SLC45A3: variants seen among roughly 807,000 people sequenced by gnomAD.
SLC45A3 encodes the protein prostate cancer associated protein 2.
Under a neutral mutation model 35.3 loss-of-function variants are expected in SLC45A3, and 17 were observed. That is an observed-to-expected ratio of 0.48 (90% CI 0.33 to 0.72). The LOEUF (loss-of-function observed/expected upper bound fraction) is 0.72, where lower values mean the gene tolerates loss of function less well. Ranked by LOEUF, SLC45A3 falls within the 30% of genes least tolerant of loss-of-function variation. The pLI, the probability that SLC45A3 is intolerant of heterozygous loss-of-function variation, is 0.02. For missense variants in SLC45A3, 597 were observed against 731.7 expected, an observed-to-expected ratio of 0.82 and a Z score of 2.12; for synonymous variants, 288 against 334.3, an observed-to-expected ratio of 0.86 and a Z score of 1.51.
rs1179899472 is a variant in SLC45A3 at position 205,666,336 on chromosome 1, C to T, written c.-230-1450G>A. The stretch of plus-strand genomic sequence containing the variant: ...CAGCCTGGGCAACACAGCGAGACCC[C>T]CTCTCTACAAAAAATTTAAAAATTA... On this transcript the variant is annotated intron_variant, in intron 1 of 4. Coordinates refer to ENST00000367145, the MANE Select transcript of SLC45A3 (RefSeq NM_033102.3). This position sits in a 1 kb window ranked among gnomAD's most constrained non-coding sequence, Gnocchi z 4.1. Among the ~76,000 whole-genome samples the T allele has an allele frequency of 6.6e-6, 1 of 152,020 alleles. No homozygotes were observed. The highest frequency in any genetic ancestry group is 1.5e-5 in the Non-Finnish European group (1 of 67,984).
In SLC45A3 at chr1:205,661,935, G is replaced by A. The variant is rs1671031261; in HGVS notation, c.1150C>T (p.Leu384Phe). ...AGGGCTGAGAAGGTGAACCCGGTGAGGGCGGCTGAAGCTGTCACCACGGCC... is the reference window on the plus strand; with the variant it reads ...AGGGCTGAGAAGGTGAACCCGGTGAAGGCGGCTGAAGCTGTCACCACGGCC... ...SVAVVTASAA[L>F]TGFTFSALQI... is the part of the protein sequence containing the mutation. Residue 384 changes from leucine (L) to phenylalanine (F), a missense_variant, in exon 4 of 5, where the codon CTC becomes TTC. This residue lies in a region of SLC45A3 where 555 missense variants were observed against 664.9 expected (regional missense o/e 0.83). Transcript: ENST00000367145. 6 of 1,614,202 alleles carry A rather than the reference G, an allele frequency of 3.7e-6. No individual in the cohort carries two copies. The highest frequency in any genetic ancestry group is 4.2e-6 in the Non-Finnish European group (5 of 1,180,046).
At position 205,669,890 on chromosome 1, in the gene SLC45A3, A is replaced by AG; in HGVS notation, c.-230-5005dup. 6.6e-6 allele frequency among the ~76,000 whole-genome samples: 1 copy of AG among 152,262 alleles called. No homozygotes were observed. Among genetic ancestry groups the AG allele is most frequent in the African/African-American group, 2.4e-5 (1 of 41,568 alleles). ...CACCCCACCAAGGCTGCCCTGCCCC[A>AG]GGTCAGTGAGATGGCAGAGAAGGGG... On this transcript the variant is annotated intron_variant, in intron 1 of 4. Transcript: ENST00000367145. This position sits in a 1 kb window ranked among gnomAD's most constrained non-coding sequence, Gnocchi z 4.1.
chr1:205,671,056 A>G (rs905711754), intron 1 of SLC45A3, among the ~76,000 whole-genome samples: 1 of 152,070 alleles, frequency 6.6e-6, no homozygotes, highest in African/African-American at 2.4e-5. Flanking sequence ...AGATTGGGGG[A>G]AGGGGAGGGG....
Position 205,664,830 on chromosome 1 carries a change from G to C in SLC45A3, c.-174C>G, listed in dbSNP as rs1671092865. The C allele has an allele frequency of 3.5e-6, 5 of 1,428,806 alleles. No individual in the cohort carries two copies. Among genetic ancestry groups the C allele is most frequent in the Admixed American group, 2.9e-5 (1 of 34,868 alleles). 88.5% of individuals were successfully genotyped at this position (1,428,806 alleles called of 1,614,324 possible). A position where few individuals can be genotyped will look rare whatever the true frequency, so the allele number is the denominator to read the frequency against. On this transcript the variant is annotated 5_prime_UTR_variant, in exon 2 of 5. Transcript: ENST00000367145. The surrounding 1 kb of genome is among the most constrained non-coding windows in gnomAD (Gnocchi z 5.3). ...GTGCCGGTCCAGCTTCTCAGCCCAT[G>C]CTCAACACCTGCTGCTGTGGGGCAC...
intron 1 of SLC45A3, among the ~76,000 whole-genome samples, chr1:205,678,554 G>C (rs538247613): frequency 2.0e-4 from 30 of 152,256 alleles, no homozygotes; most frequent in African/African-American, 7.2e-4. Context: ...AGGGATCACT[G>C]TCTACTCCTC....
chr1:205,671,814 C>T (rs978707828), intron 1 of SLC45A3, among the ~76,000 whole-genome samples: 32 of 151,990 alleles, frequency 2.1e-4, no homozygotes, highest in African/African-American at 7.0e-4. Flanking sequence ...TGCAGTGAAC[C>T]GAGATCATGC....
chr1:205,669,721 C>T lies in SLC45A3; in HGVS notation c.-230-4835G>A, dbSNP rs1050267545. On this transcript the variant is annotated intron_variant, in intron 1 of 4. Transcript: ENST00000367145. This position sits in a 1 kb window ranked among gnomAD's most constrained non-coding sequence, Gnocchi z 4.1. ...AAGACGCTCTGCTTTCTCCCAGGCT[C>T]CTCAGAAGCGGCTCCTCTCCCCTTC... Among the ~76,000 whole-genome samples the T allele has an allele frequency of 1.3e-5, 2 of 152,218 alleles. No individual in the cohort carries two copies. Among genetic ancestry groups the T allele is most frequent in the Admixed American group, 6.5e-5 (1 of 15,288 alleles).
At chr1:205,667,169 G>T (rs1017709304) in intron 1 of SLC45A3, among the ~76,000 whole-genome samples, 2 of 152,074 alleles carry the variant, frequency 1.3e-5, no homozygotes, top group African/African-American at 4.8e-5. Context: ...AGGAGCTTAA[G>T]AACAGCCTGG....
chr1:205,662,808 C>A lies in SLC45A3; in HGVS notation c.958+25G>T. The A allele has an allele frequency of 6.5e-7, 1 of 1,547,312 alleles. No homozygotes were observed. The highest frequency in any genetic ancestry group is 1.2e-5 in the South Asian group (1 of 81,284). ...CTCTGGTGGGCGGCTCCCACACCAG[C>A]CTCTGCTGGCTGCCAAGGCCTTACC... On this transcript the variant is annotated intron_variant, in intron 3 of 4. Coordinates refer to ENST00000367145, the MANE Select transcript of SLC45A3 (RefSeq NM_033102.3). This position sits in a 1 kb window ranked among gnomAD's most constrained non-coding sequence, Gnocchi z 6.2.
intron 1 of SLC45A3, among the ~76,000 whole-genome samples, chr1:205,675,532 C>T (rs1671296574): frequency 6.6e-6 from 1 of 152,130 alleles, no homozygotes; most frequent in South Asian, 2.1e-4. Context: ...CTTCTAATCA[C>T]TCCCACCCCT....
chr1:205,672,757 C>T (rs896594683), intron 1 of SLC45A3, among the ~76,000 whole-genome samples: 1 of 152,066 alleles, frequency 6.6e-6, no homozygotes, highest in Non-Finnish European at 1.5e-5. Flanking sequence ...GGCCATCTCA[C>T]CTCTCTGGGA....
At position 205,661,904 on chromosome 1, in the gene SLC45A3, A is replaced by G. The variant is rs1255047507; in HGVS notation, c.1181T>C (p.Ile394Thr). ...GAGGGAGGCCAGTGTGTAGGGCAGG[A>G]TCTGCAGGGCTGAGAAGGTGAACCC... ...LTGFTFSALQILPYTLASLYH... is the reference protein window; with the variant it reads ...LTGFTFSALQTLPYTLASLYH... The change falls in exon 4 of 5, where the codon ATC becomes ACC. Residue 394 changes from isoleucine to threonine, a missense_variant. By Grantham distance (89) the Ile-to-Thr change is moderately conservative. Around this residue, in one of 3 missense-constraint regions of SLC45A3, gnomAD observed 555 missense variants for 664.9 expected, o/e 0.83. Coordinates refer to ENST00000367145, the MANE Select transcript of SLC45A3 (RefSeq NM_033102.3). 6.2e-7 allele frequency: 1 copy of G among 1,614,138 alleles called. No homozygotes were observed. The highest frequency in any genetic ancestry group is 1.1e-5 in the South Asian group (1 of 91,068).
intron 4 of SLC45A3, among the ~76,000 whole-genome samples, chr1:205,661,081 A>T (rs891956385): frequency 1.1e-4 from 16 of 152,326 alleles, no homozygotes; most frequent in African/African-American, 3.8e-4. Context: ...CCCTCAAGGC[A>T]GAGTCCAGCA....
chr1:205,664,916 G>A lies in SLC45A3; in HGVS notation c.-230-30C>T, dbSNP rs185358189. The A allele has an allele frequency of 6.0e-6, 8 of 1,325,746 alleles. No homozygotes were observed. The highest frequency in any genetic ancestry group is 3.0e-5 in the African/African-American group (2 of 67,574). The allele number at this position is 1,325,746 out of a possible 1,614,324, so 82.1% of individuals were successfully genotyped here. A position where few individuals can be genotyped will look rare whatever the true frequency, so the allele number is the denominator to read the frequency against. On this transcript the variant is annotated intron_variant, in intron 1 of 4. Transcript: ENST00000367145. The surrounding 1 kb of genome is among the most constrained non-coding windows in gnomAD (Gnocchi z 5.3). ...AAGGGCGGGGCAATCACAAGCACACGGGGTGTTAAGTCCTGGGAGCCAGGT... is the reference window on the plus strand; with the variant it reads ...AAGGGCGGGGCAATCACAAGCACACAGGGTGTTAAGTCCTGGGAGCCAGGT...
Position 205,664,334 on chromosome 1 carries a change from C to T in SLC45A3, c.172+151G>A. The T allele has an allele frequency of 4.2e-6, 4 of 960,350 alleles. No individual in the cohort carries two copies. The highest frequency in any genetic ancestry group is 1.6e-5 in the South Asian group (1 of 61,856). The allele number at this position is 960,350 out of a possible 1,614,324, so 59.5% of individuals were successfully genotyped here. On this transcript the variant is annotated intron_variant, in intron 2 of 4. Coordinates refer to ENST00000367145, the MANE Select transcript of SLC45A3 (RefSeq NM_033102.3). The surrounding 1 kb of genome is among the most constrained non-coding windows in gnomAD (Gnocchi z 5.3). ...TATTCTCTTCTTTCTCTTGGTGTGC[C>T]CCCTCAGCCCAGGGTCACCCTCCTG...
chr1:205,671,658 G>A (rs1410870887), intron 1 of SLC45A3, among the ~76,000 whole-genome samples: 1 of 152,120 alleles, frequency 6.6e-6, no homozygotes, highest in Non-Finnish European at 1.5e-5. Context: ...CAAGAAGTTT[G>A]ACACCAGCCT....
Position 205,659,121 on chromosome 1 carries a change from A to T in SLC45A3, c.*113T>A. 8.9e-7 allele frequency: 1 copy of T among 1,127,978 alleles called. No individual in the cohort carries two copies. The highest frequency in any genetic ancestry group is 1.3e-6 in the Non-Finnish European group (1 of 788,400). 69.9% of individuals were successfully genotyped at this position (1,127,978 alleles called of 1,614,324 possible). On this transcript the variant is annotated 3_prime_UTR_variant, in exon 5 of 5. Coordinates refer to ENST00000367145, the MANE Select transcript of SLC45A3 (RefSeq NM_033102.3). This position sits in a 1 kb window ranked among gnomAD's most constrained non-coding sequence, Gnocchi z 5.8. ...CAGGGTGGCAGCAGAGAGCCACATTACTTTGGCAGCAACAGAAACTGGCGG... is the reference window on the plus strand; with the variant it reads ...CAGGGTGGCAGCAGAGAGCCACATTTCTTTGGCAGCAACAGAAACTGGCGG...
intron 4 of SLC45A3, among the ~76,000 whole-genome samples, chr1:205,660,961 T>C (rs941702605): frequency 1.8e-4 from 27 of 152,156 alleles, no homozygotes; most frequent in Admixed American, 1.5e-3. Flanking sequence ...ACTTACCTAC[T>C]CCTCTCCTCA....
At chr1:205,675,728 C>T (rs1571544320) in intron 1 of SLC45A3, among the ~76,000 whole-genome samples, 1 of 152,132 alleles carries the variant, frequency 6.6e-6, no homozygotes, top group Non-Finnish European at 1.5e-5. Flanking sequence ...AAGGTGGTCA[C>T]CGTGCTCCAG....
Sources: allele counts gnomAD v4.1 joint callset (sites outside exome capture counted in the v4.1 genomes callset), GRCh38; gene constraint gnomAD v4.1.1; regional missense constraint gnomAD v4.1.1; non-coding constraint Gnocchi (gnomAD v3.1); transcripts MANE v1.5; gene names NCBI Gene and HGNC (gene_info 2026-07-23, HGNC 2026-07-21).